WWOX: variants seen among roughly 807,000 people sequenced by gnomAD.
The protein encoded by WWOX is WW domain-containing oxidoreductase.
In WWOX, 69 loss-of-function variants were observed where a neutral mutation model predicts 46.2. That is an observed-to-expected ratio of 1.49 (90% CI 1.23 to 1.82). The LOEUF is 1.82. Among genes scored for constraint, WWOX ranks in the 40% most tolerant of loss-of-function variants. The pLI, the probability that WWOX is intolerant of heterozygous loss-of-function variation, is 0.00. For synonymous variants in WWOX, 359 were observed against 202.6 expected, an observed-to-expected ratio of 1.77 and a Z score of -6.56; for missense variants, 919 against 542.6, an observed-to-expected ratio of 1.69 and a Z score of -6.89.
chr16:78,767,100 C>G (rs1567546080), intron 8 of WWOX, among the ~76,000 whole-genome samples: 2 of 129,988 alleles, frequency 1.5e-5, no homozygotes, highest in Middle Eastern at 4.0e-3. Flanking sequence ...CTCCTTTCCT[C>G]CCTTCCTTCC....
intron 8 of WWOX, among the ~76,000 whole-genome samples, chr16:78,801,959 A>G (rs2142657189): frequency 6.6e-6 from 1 of 152,304 alleles, no homozygotes; most frequent in African/African-American, 2.4e-5. Context: ...TGGGGTAAGA[A>G]CAGAATCTGC....
At chr16:78,961,612 C>T (rs9941223) in intron 8 of WWOX, among the ~76,000 whole-genome samples, 98,745 of 151,852 alleles carry the variant, frequency 0.65, 32,783 homozygotes, top group African/African-American at 0.79. Context: ...AAGGCTTGTT[C>T]TTCTGAAGGG....
intron 2 of WWOX, among the ~76,000 whole-genome samples, chr16:78,108,814 C>T (rs1437846004): frequency 2.6e-5 from 4 of 152,154 alleles, no homozygotes; most frequent in Admixed American, 6.5e-5. Flanking sequence ...ATGTTGAAAG[C>T]GCATCTCTTC....
chr16:78,965,065 T>C (rs952091497), intron 8 of WWOX, among the ~76,000 whole-genome samples: 1 of 152,164 alleles, frequency 6.6e-6, no homozygotes, highest in East Asian at 1.9e-4. Context: ...GGAGCCCTCA[T>C]GGAGAACCTC....
At chr16:78,250,407 G>A (rs1344250519) in intron 5 of WWOX, among the ~76,000 whole-genome samples, 2 of 152,098 alleles carry the variant, frequency 1.3e-5, no homozygotes, top group Admixed American at 6.5e-5. Context: ...GAACAACAAC[G>A]AACAACATTT....
intron 8 of WWOX, among the ~76,000 whole-genome samples, chr16:78,939,205 A>T (rs113746884): frequency 6.6e-5 from 10 of 152,122 alleles, no homozygotes; most frequent in Non-Finnish European, 1.3e-4. Flanking sequence ...ACGTATATTC[A>T]TGGAGCATCT....
At chr16:78,191,164 G>T (rs942128109) in intron 5 of WWOX, among the ~76,000 whole-genome samples, 3 of 152,136 alleles carry the variant, frequency 2.0e-5, no homozygotes, top group Admixed American at 6.6e-5. Flanking sequence ...AGAGCCCCTG[G>T]AGCCTCCCAA....
intron 8 of WWOX, among the ~76,000 whole-genome samples, chr16:78,939,716 C>G (rs765299690): frequency 1.8e-4 from 27 of 152,222 alleles, no homozygotes; most frequent in Non-Finnish European, 3.8e-4. Flanking sequence ...GTACCCAAGT[C>G]TACTGGGAAA....
At chr16:78,940,700 G>A (rs983096891) in intron 8 of WWOX, among the ~76,000 whole-genome samples, 46 of 130,446 alleles carry the variant, frequency 3.5e-4, no homozygotes, top group Non-Finnish European at 6.3e-4. Flanking sequence ...CCTTTTGAAT[G>A]ACCACAAAGC....
intron 8 of WWOX, among the ~76,000 whole-genome samples, chr16:79,015,182 A>G (rs2047388464): frequency 6.6e-6 from 1 of 152,142 alleles, no homozygotes; most frequent in Non-Finnish European, 1.5e-5. Context: ...TGTTCTAGGT[A>G]TGGTCTTAGG....
At chr16:78,657,808 G>T (rs1042101380) in intron 8 of WWOX, among the ~76,000 whole-genome samples, 3 of 152,058 alleles carry the variant, frequency 2.0e-5, no homozygotes, top group African/African-American at 4.8e-5. Context: ...ATTAAAACAG[G>T]TTTTGTTTTT....
intron 8 of WWOX, among the ~76,000 whole-genome samples, chr16:78,966,895 A>G (rs2046372254): frequency 6.6e-6 from 1 of 152,138 alleles, no homozygotes; most frequent in African/African-American, 2.4e-5. Flanking sequence ...TGCAGTGGAG[A>G]TTGAATGAGT....
chr16:78,311,983 C>T (rs952210835), intron 5 of WWOX, among the ~76,000 whole-genome samples: 5 of 152,144 alleles, frequency 3.3e-5, no homozygotes, highest in African/African-American at 9.7e-5. Context: ...CTGGCCTTTT[C>T]CACGTTACAG....
intron 8 of WWOX, chr16:78,551,669 C>T (rs1312055744): frequency 6.6e-6 from 1 of 152,028 alleles, no homozygotes; most frequent in African/African-American, 2.4e-5. Context: ...GCCCCCGCCC[C>T]GTTTCTCAGA....
chr16:79,033,928 G>C lies in WWOX; in HGVS notation c.1057-177680G>C, dbSNP rs545538009. ...AGGCATAGCTGGCTGGCTAGACCAT[G>C]TCACAGGGATGTTGGAACTGGGTGG... On this transcript the variant is annotated intron_variant, in intron 8 of 8. Transcript: ENST00000566780. 1.8e-4 allele frequency among the ~76,000 whole-genome samples: 28 copies of C among 152,352 alleles called. 1 individual carries two copies. The highest frequency in any genetic ancestry group is 6.7e-4 in the African/African-American group (28 of 41,582).
At chr16:78,563,931 A>G (rs2044501374) in intron 8 of WWOX, among the ~76,000 whole-genome samples, 1 of 152,196 alleles carries the variant, frequency 6.6e-6, no homozygotes, top group Non-Finnish European at 1.5e-5. Context: ...GGCATTTGGA[A>G]ACACGGCACA....
chr16:78,369,920 G>T (rs12922482), intron 5 of WWOX, among the ~76,000 whole-genome samples: 20 of 151,220 alleles, frequency 1.3e-4, no homozygotes, highest in African/African-American at 4.6e-4. Context: ...ATCACATAAG[G>T]CCAGGAGTTT....
At chr16:78,728,366 C>G (rs1224669061) in intron 8 of WWOX, among the ~76,000 whole-genome samples, 2 of 152,058 alleles carry the variant, frequency 1.3e-5, no homozygotes, top group Non-Finnish European at 2.9e-5. Context: ...AGCCACCACA[C>G]CTGGCCATGG....
At chr16:79,105,386 G>T (rs763836466) in intron 8 of WWOX, among the ~76,000 whole-genome samples, 1 of 152,024 alleles carries the variant, frequency 6.6e-6, no homozygotes, top group Non-Finnish European at 1.5e-5. Context: ...CTCCATATTC[G>T]TACCCATGTA....
Sources: gnomAD v4.1 joint callset for allele counts (sites outside exome capture counted in the v4.1 genomes callset) on GRCh38, gnomAD v4.1.1 for gene constraint, MANE v1.5 for transcripts, NCBI Gene and HGNC (gene_info 2026-07-23, HGNC 2026-07-21) for gene names.